PIP4P2: variants seen among roughly 807,000 people sequenced by gnomAD.
PIP4P2 encodes the protein phosphatidylinositol-4,5-bisphosphate 4-phosphatase 2, also known as type 2 phosphatidylinositol 4,5-bisphosphate 4-phosphatase.
Under a neutral mutation model 33.3 loss-of-function variants are expected in PIP4P2, and 19 were observed. The observed-to-expected ratio is 0.57, with a 90% confidence interval of 0.40 to 0.84. The LOEUF (loss-of-function observed/expected upper bound fraction) is 0.84. Ranked by LOEUF, PIP4P2 falls within the 40% of genes least tolerant of loss-of-function variation. The pLI is 0.00. For synonymous variants in PIP4P2, 110 were observed against 111.9 expected, an observed-to-expected ratio of 0.98 and a Z score of 0.11; for missense variants, 270 against 324.7, an observed-to-expected ratio of 0.83 and a Z score of 1.29.
intron 5 of PIP4P2, among the ~76,000 whole-genome samples, chr8:91,006,969 A>C (rs1811772642): frequency 6.6e-6 from 1 of 151,588 alleles, no homozygotes; most frequent in Non-Finnish European, 1.5e-5. Flanking sequence ...ACTCTGTCTC[A>C]AAAAAAAAGA....
At chr8:91,025,031 T>C (rs1320662880) in intron 1 of PIP4P2, among the ~76,000 whole-genome samples, 1 of 152,158 alleles carries the variant, frequency 6.6e-6, no homozygotes, top group Non-Finnish European at 1.5e-5. Flanking sequence ...CAATAACAGC[T>C]GTCTCCTTTA....
intron 1 of PIP4P2, among the ~76,000 whole-genome samples, chr8:91,029,204 T>A (rs1812123851): frequency 6.6e-6 from 1 of 151,556 alleles, no homozygotes; most frequent in African/African-American, 2.4e-5. Context: ...GGCAGGAGAA[T>A]CACTTGAACC....
intron 5 of PIP4P2, among the ~76,000 whole-genome samples, chr8:91,001,097 C>G (rs1454743046): frequency 6.6e-6 from 1 of 151,912 alleles, no homozygotes; most frequent in Admixed American, 6.6e-5. Flanking sequence ...CTATTTGAGA[C>G]AATTATAGAT....
At chr8:91,030,727 T>A (rs1812151510) in intron 1 of PIP4P2, among the ~76,000 whole-genome samples, 1 of 152,232 alleles carries the variant, frequency 6.6e-6, no homozygotes, top group Non-Finnish European at 1.5e-5. Flanking sequence ...AATATACACA[T>A]ATACATATTC....
At chr8:91,017,131 T>A (rs1811925652) in intron 4 of PIP4P2, among the ~76,000 whole-genome samples, 1 of 152,186 alleles carries the variant, frequency 6.6e-6, no homozygotes, top group Non-Finnish European at 1.5e-5. Context: ...ATTTTGCAGT[T>A]TACTATTTAG....
intron 5 of PIP4P2, among the ~76,000 whole-genome samples, chr8:90,996,972 G>A (rs892714122): frequency 6.6e-6 from 1 of 151,890 alleles, no homozygotes; most frequent in Non-Finnish European, 1.5e-5. Flanking sequence ...TTCAAGCCTT[G>A]GTCATTGATA....
intron 1 of PIP4P2, among the ~76,000 whole-genome samples, chr8:91,029,165 C>A (rs1387308994): frequency 6.6e-6 from 1 of 151,962 alleles, no homozygotes; most frequent in East Asian, 1.9e-4. Flanking sequence ...ATGGTGCACA[C>A]CTGCAATCCT....
At position 91,020,138 on chromosome 8, in the gene PIP4P2, A is replaced by G; in HGVS notation, c.362+19T>C. ...AATGAACAAATGAATGAATCAATGA[A>G]TTAATCTTTATCTCTTACCAGTTGG... On this transcript the variant is annotated intron_variant, in intron 3 of 6. Coordinates refer to ENST00000285419, the MANE Select transcript of PIP4P2 (RefSeq NM_018710.3). 6.8e-6 allele frequency: 11 copies of G among 1,608,278 alleles called. No individual in the cohort carries two copies. Among genetic ancestry groups the G allele is most frequent in the Non-Finnish European group, 9.4e-6 (11 of 1,175,074 alleles).
chr8:91,018,799 A>T (rs988401222), intron 3 of PIP4P2: 19 of 316,134 alleles, frequency 6.0e-5, no homozygotes, highest in African/African-American at 3.2e-4. Context: ...ATCAGAAAAC[A>T]GTTGTTACCC....
chr8:91,030,872 G>A (rs1366191918), intron 1 of PIP4P2, among the ~76,000 whole-genome samples: 1 of 151,940 alleles, frequency 6.6e-6, no homozygotes, highest in Non-Finnish European at 1.5e-5. Flanking sequence ...GCATCATGTT[G>A]TTTCATTCTA....
intron 4 of PIP4P2, among the ~76,000 whole-genome samples, chr8:91,016,201 T>C (rs1250560969): frequency 6.6e-6 from 1 of 152,192 alleles, no homozygotes; most frequent in East Asian, 1.9e-4. Context: ...CAAAGGCTCC[T>C]AGAAATTAAA....
At chr8:91,035,210 T>G (rs974297481) in intron 1 of PIP4P2, among the ~76,000 whole-genome samples, 1 of 152,206 alleles carries the variant, frequency 6.6e-6, no homozygotes, top group Non-Finnish European at 1.5e-5. Context: ...TTACGCTTCA[T>G]AGAAAACCTA....
At chr8:91,013,062 C>A (rs1267124679) in intron 4 of PIP4P2, among the ~76,000 whole-genome samples, 2 of 152,090 alleles carry the variant, frequency 1.3e-5, no homozygotes, top group Admixed American at 6.6e-5. Flanking sequence ...ATCATCATCA[C>A]TTTGCTGAAA....
chr8:91,019,618 G>A (rs1811975988), intron 3 of PIP4P2, among the ~76,000 whole-genome samples: 1 of 151,732 alleles, frequency 6.6e-6, no homozygotes, highest in Non-Finnish European at 1.5e-5. Flanking sequence ...CTGTTGCCCA[G>A]GCTGGAGTGC....
chr8:90,997,207 T>A (rs1811640642), intron 5 of PIP4P2, among the ~76,000 whole-genome samples: 1 of 152,094 alleles, frequency 6.6e-6, no homozygotes, highest in African/African-American at 2.4e-5. Flanking sequence ...CCCAATATCA[T>A]AAAATAGTCA....
At chr8:91,023,494 T>G (rs1167472854) in intron 1 of PIP4P2, among the ~76,000 whole-genome samples, 2 of 151,770 alleles carry the variant, frequency 1.3e-5, no homozygotes, top group African/African-American at 2.4e-5. Flanking sequence ...TAACAATCAT[T>G]AAAAGGGCAT....
At position 90,995,729 on chromosome 8, in the gene PIP4P2, G is replaced by A; in HGVS notation, c.722C>T (p.Ala241Val). ...YLLGLICLIR[A>V]CYWGAIRVSY... Reference sequence around the variant, plus strand: ...GACTCTTATGGCTCCCCAATAACAAGCTCGGATAAGGCAGATCAATCCTAG... The same window carrying A: ...GACTCTTATGGCTCCCCAATAACAAACTCGGATAAGGCAGATCAATCCTAG... The change falls in exon 7 of 7, where the codon GCT becomes GTT. Residue 241 changes from alanine to valine, a missense_variant. Ala to Val is a moderately conservative substitution (Grantham distance 64). Coordinates refer to ENST00000285419, the MANE Select transcript of PIP4P2 (RefSeq NM_018710.3). 1 of 1,613,188 alleles carries A rather than the reference G, an allele frequency of 6.2e-7. No homozygotes were observed. Among genetic ancestry groups the A allele is most frequent in the Non-Finnish European group, 8.5e-7 (1 of 1,179,532 alleles).
intron 1 of PIP4P2, among the ~76,000 whole-genome samples, chr8:91,032,086 T>C (rs1427330515): frequency 6.6e-6 from 1 of 151,858 alleles, no homozygotes; most frequent in Non-Finnish European, 1.5e-5. Flanking sequence ...GCCAAACAGG[T>C]AGTAACTGGC....
intron 4 of PIP4P2, among the ~76,000 whole-genome samples, chr8:91,011,239 C>T (rs1418902840): frequency 6.6e-6 from 1 of 152,002 alleles, no homozygotes; most frequent in Non-Finnish European, 1.5e-5. Flanking sequence ...AAGTTGTGTT[C>T]ACTTTTATTA....
Sources: allele counts gnomAD v4.1 joint callset (sites outside exome capture counted in the v4.1 genomes callset), GRCh38; gene constraint gnomAD v4.1.1; transcripts MANE v1.5; gene names NCBI Gene and HGNC (gene_info 2026-07-23, HGNC 2026-07-21).